The following EFCAB6 variants were observed in gnomAD, a reference collection of about 807,000 sequenced individuals.
EFCAB6 encodes the protein EF-hand calcium-binding domain-containing protein 6.
EFCAB6 carries 156 observed loss-of-function variants against 169.8 expected under a neutral mutation model. That is an observed-to-expected ratio of 0.92 (90% CI 0.81 to 1.05). The LOEUF (loss-of-function observed/expected upper bound fraction) is 1.05, where lower values mean the gene tolerates loss of function less well. Among genes scored for constraint, EFCAB6 ranks in the 50% least tolerant of loss-of-function variants. The pLI is 0.00. For synonymous variants in EFCAB6, 698 were observed against 676.4 expected (o/e 1.03, Z -0.50); for missense variants, 1,800 against 1,829.1 (o/e 0.98, Z 0.29).
chr22:43,785,183 T>G (rs922324429), intron 2 of EFCAB6, among the ~76,000 whole-genome samples: 1 of 152,106 alleles, frequency 6.6e-6, no homozygotes, highest in African/African-American at 2.4e-5. Flanking sequence ...CAACTAGACC[T>G]CACAGACAAC....
At chr22:43,640,152 A>G (rs2055700310) in intron 17 of EFCAB6, among the ~76,000 whole-genome samples, 1 of 152,016 alleles carries the variant, frequency 6.6e-6, no homozygotes, top group South Asian at 2.1e-4. Flanking sequence ...GAAAGATCAC[A>G]TTTTTTCTGT....
At chr22:43,541,917 C>T (rs2047752884) in intron 27 of EFCAB6, among the ~76,000 whole-genome samples, 1 of 152,252 alleles carries the variant, frequency 6.6e-6, no homozygotes, top group South Asian at 2.1e-4. Flanking sequence ...CATGTTTGCT[C>T]ATTGGCTGAA....
In EFCAB6 at chr22:43,683,782, CAG is replaced by C. The variant is rs2058090215; in HGVS notation, c.1214_1215del (p.Ser405CysfsTer13). ...ATCAGTAATGCTTTCTTCAGTGACG[CAG>C]AGTGATCTTCAGTGTGTCTAAATAA... Reference protein sequence around the residue: ...TKLFRHTEDHSASLKKALLII... With the variant: ...TKLFRHTEDHXASLKKALLII... On this transcript the variant is annotated frameshift_variant, in exon 12 of 32. Transcript: ENST00000262726. LOFTEE classifies it high-confidence loss of function. The C allele has an allele frequency of 1.9e-6, 3 of 1,613,532 alleles. No individual in the cohort carries two copies. The highest frequency in any genetic ancestry group is 2.2e-5 in the South Asian group (2 of 91,060).
intron 12 of EFCAB6, among the ~76,000 whole-genome samples, chr22:43,678,615 C>T (rs538583014): frequency 6.6e-6 from 1 of 152,266 alleles, no homozygotes; most frequent in East Asian, 1.9e-4. Flanking sequence ...TGAGTGTTTT[C>T]TCCACCAACA....
intron 17 of EFCAB6, among the ~76,000 whole-genome samples, chr22:43,646,408 A>G (rs905656451): frequency 1.3e-5 from 2 of 152,230 alleles, no homozygotes; most frequent in Admixed American, 6.5e-5. Flanking sequence ...ATATGGTAAC[A>G]TATAAACCTG....
rs541345960 is a variant in EFCAB6, at chr22:43,719,074, C to T, written c.758-2102G>A. ...GGCTCTGTTTAAACAACATGTCTGG[C>T]TTGGAAGGGTGGAGAAGGGATTAGG... On this transcript the variant is annotated intron_variant, in intron 8 of 31. Coordinates refer to ENST00000262726, the MANE Select transcript of EFCAB6 (RefSeq NM_022785.4). Among the ~76,000 whole-genome samples, 13 of 152,268 alleles carry T rather than the reference C, an allele frequency of 8.5e-5. 1 individual carries two copies. The South Asian group carries it at 2.7e-3, about 32-fold the overall frequency.
chr22:43,563,508 C>T (rs909301494), intron 26 of EFCAB6, among the ~76,000 whole-genome samples: 4 of 152,102 alleles, frequency 2.6e-5, no homozygotes, highest in African/African-American at 4.8e-5. Flanking sequence ...GATGCCATGG[C>T]GAGGCCTGAT....
At position 43,795,874 on chromosome 22, in the gene EFCAB6, GTCACCACACACAATACACAC is replaced by G. The variant is rs1280919372; in HGVS notation, c.-8+13101_-8+13120del. On this transcript the variant is annotated intron_variant, in intron 2 of 31. Transcript: ENST00000262726. This position sits in a 1 kb window ranked among gnomAD's most constrained non-coding sequence, Gnocchi z 4.2. Reference sequence around the variant, plus strand: ...TCACCACATACTCTCACCATACACAGTCACCACACACAATACACACTCACCACACATACACCACACACACA... The same window carrying G: ...TCACCACATACTCTCACCATACACAGTCACCACACATACACCACACACACA... Among the ~76,000 whole-genome samples the G allele has an allele frequency of 6.8e-6, 1 of 147,296 alleles. No homozygotes were observed. The highest frequency in any genetic ancestry group is 1.5e-5 in the Non-Finnish European group (1 of 66,666).
chr22:43,742,120 C>G (rs1039668947), intron 6 of EFCAB6, among the ~76,000 whole-genome samples: 8 of 152,186 alleles, frequency 5.3e-5, no homozygotes, highest in African/African-American at 1.9e-4. Context: ...GACCTAACTC[C>G]CTTCATTCCA....
intron 17 of EFCAB6, among the ~76,000 whole-genome samples, chr22:43,652,189 G>A (rs1461220835): frequency 1.3e-5 from 2 of 152,162 alleles, no homozygotes; most frequent in Non-Finnish European, 2.9e-5. Flanking sequence ...GGAGGGACCT[G>A]GTGGGAGGTA....
At chr22:43,754,249 G>A (rs903172527) in intron 6 of EFCAB6, among the ~76,000 whole-genome samples, 1 of 152,186 alleles carries the variant, frequency 6.6e-6, no homozygotes, top group Non-Finnish European at 1.5e-5. Context: ...ACAGCAGCAC[G>A]TCAAGGTGGT....
chr22:43,578,290 C>A (rs944374467), intron 25 of EFCAB6, among the ~76,000 whole-genome samples: 2 of 152,148 alleles, frequency 1.3e-5, no homozygotes, highest in Non-Finnish European at 2.9e-5. Flanking sequence ...CTCATTAGGG[C>A]TTGTGGCCCC....
rs573742433 is a variant in EFCAB6, at chr22:43,677,684, A to T, written c.1419+312T>A. Reference sequence around the variant, plus strand: ...TCAAGAAAAAAACAAGAACAACAAAAATAAATAAATAAATAAGACATGGCT... The same window carrying T: ...TCAAGAAAAAAACAAGAACAACAAATATAAATAAATAAATAAGACATGGCT... On this transcript the variant is annotated intron_variant, in intron 13 of 31. Coordinates refer to ENST00000262726, the MANE Select transcript of EFCAB6 (RefSeq NM_022785.4). 1.4e-4 allele frequency among the ~76,000 whole-genome samples: 22 copies of T among 152,044 alleles called. No homozygotes were observed. In the East Asian group the frequency reaches 4.1e-3, roughly 28 times the overall value.
intron 1 of EFCAB6, among the ~76,000 whole-genome samples, chr22:43,809,739 C>A (rs2063041025): frequency 6.6e-6 from 1 of 152,052 alleles, no homozygotes; most frequent in Non-Finnish European, 1.5e-5. Flanking sequence ...TCTGGAGTAG[C>A]TGGGATTACA....
At chr22:43,732,169 C>CA (rs1873445575) in intron 7 of EFCAB6, among the ~76,000 whole-genome samples, 1 of 152,182 alleles carries the variant, frequency 6.6e-6, no homozygotes, top group South Asian at 2.1e-4. Context: ...TCCACTCCGA[C>CA]AGCAGAAGCA....
At chr22:43,662,036 CTGTA>C (rs1457902327) in intron 17 of EFCAB6, among the ~76,000 whole-genome samples, 1 of 151,906 alleles carries the variant, frequency 6.6e-6, no homozygotes, top group Non-Finnish European at 1.5e-5. Flanking sequence ...AGCCAGGTGC[CTGTA>C]GTCCCAGCTA....
chr22:43,808,870 C>T (rs2063011886), intron 2 of EFCAB6, 125 bp downstream of exon 2: 1 of 152,146 alleles, frequency 6.6e-6, no homozygotes, highest in Non-Finnish European at 1.5e-5. Flanking sequence ...ATGGCAGATG[C>T]TCAATGAATA....
At position 43,765,314 on chromosome 22, in the gene EFCAB6, C is replaced by T. The variant is rs183713730; in HGVS notation, c.431G>A (p.Gly144Asp). ...RFGGIDLYIN[G>D]IKRGGGNEMN... ...CAAACCAAACACTTACCTCTTTATACCATTTATATATAGGTCAATTCCACC... is the reference window on the plus strand; with the variant it reads ...CAAACCAAACACTTACCTCTTTATATCATTTATATATAGGTCAATTCCACC... The change falls in exon 5 of 32, where the codon GGT (glycine) becomes GAT (aspartate). Residue 144 changes from glycine to aspartate, a missense_variant. Coordinates refer to ENST00000262726, the MANE Select transcript of EFCAB6 (RefSeq NM_022785.4). The T allele has an allele frequency of 1.9e-6, 3 of 1,611,058 alleles. No individual in the cohort carries two copies. In the East Asian group the frequency reaches 6.7e-5, roughly 36 times the overall value.
chr22:43,632,310 T>TTTTG, intron 18 of EFCAB6, 72 bp from the exon 19 acceptor site: 2 of 1,320,888 alleles, frequency 1.5e-6, no homozygotes, highest in African/African-American at 1.6e-5. Context: ...TTTTTTTTTT[T>TTTTG]TTTTTTGAGA....
Sources: allele counts gnomAD v4.1 joint callset (sites outside exome capture counted in the v4.1 genomes callset), GRCh38; gene constraint gnomAD v4.1.1; non-coding constraint Gnocchi (gnomAD v3.1); transcripts MANE v1.5; gene names NCBI Gene and HGNC (gene_info 2026-07-23, HGNC 2026-07-21).